TNR: variants seen among roughly 807,000 people sequenced by gnomAD.
TNR encodes the protein tenascin-R.
Under a neutral mutation model 150.4 loss-of-function variants are expected in TNR, and 45 were observed. The ratio of observed to expected loss-of-function variants is 0.30; its 90% CI spans 0.24 to 0.38. The LOEUF (loss-of-function observed/expected upper bound fraction) is 0.38. TNR is among the 10% of genes least tolerant of loss of function. The pLI, the probability that TNR is intolerant of heterozygous loss-of-function variation, is 1.00. For missense variants in TNR, 1,544 were observed against 1,759.1 expected (o/e 0.88, Z 2.19); for synonymous variants, 687 against 678.4 (o/e 1.01, Z -0.20).
At chr1:175,736,117 A>T (rs1667762580) in intron 1 of TNR, among the ~76,000 whole-genome samples, 1 of 152,262 alleles carries the variant, frequency 6.6e-6, no homozygotes, top group African/African-American at 2.4e-5. Flanking sequence ...TCCCCAGGCC[A>T]TATTAAATAG....
chr1:175,417,059 G>GAAAGAAAGAAAGAAAGAA (rs1557920280), intron 2 of TNR, among the ~76,000 whole-genome samples: 3 of 103,670 alleles, frequency 2.9e-5, no homozygotes, highest in Non-Finnish European at 6.5e-5. Context: ...AAGAAAGAAA[G>GAAAGAAAGAAAGAAAGAA]AAAGAAAGAA....
intron 1 of TNR, among the ~76,000 whole-genome samples, chr1:175,730,330 G>T (rs1020501123): frequency 1.3e-5 from 2 of 152,164 alleles, no homozygotes; most frequent in African/African-American, 4.8e-5. Flanking sequence ...ACCCTGAGCA[G>T]AATGAGTCAC....
At chr1:175,655,228 T>C (rs183988339) in intron 1 of TNR, among the ~76,000 whole-genome samples, 79 of 152,158 alleles carry the variant, frequency 5.2e-4, no homozygotes, top group African/African-American at 1.8e-3. Flanking sequence ...TTCCAGGAGG[T>C]AAATAAAAAA....
At chr1:175,649,156 C>T (rs899193193) in intron 1 of TNR, among the ~76,000 whole-genome samples, 12 of 152,208 alleles carry the variant, frequency 7.9e-5, no homozygotes, top group Non-Finnish European at 5.9e-5. Flanking sequence ...GCCCACTCTT[C>T]GCTCACTTCT....
At chr1:175,591,473 A>G (rs960685664) in intron 1 of TNR, among the ~76,000 whole-genome samples, 1 of 152,202 alleles carries the variant, frequency 6.6e-6, no homozygotes, top group African/African-American at 2.4e-5. Flanking sequence ...ACATGCTGCT[A>G]GATAATCTCT....
chr1:175,343,148 C>T (rs1016521972), intron 18 of TNR, among the ~76,000 whole-genome samples: 5 of 152,174 alleles, frequency 3.3e-5, no homozygotes, highest in Admixed American at 6.5e-5. Flanking sequence ...TTGCCCAAAA[C>T]CCTTCAATGG....
chr1:175,574,948 GACAAAACAGATGTAGC>G (rs1662040384), intron 1 of TNR, among the ~76,000 whole-genome samples: 1 of 152,218 alleles, frequency 6.6e-6, no homozygotes, highest in Non-Finnish European at 1.5e-5. Flanking sequence ...TTCAGTGGTG[GACAAAACAGATGTAGC>G]ACATTCCTCA....
intron 2 of TNR, among the ~76,000 whole-genome samples, chr1:175,452,813 T>G (rs1298584114): frequency 6.6e-6 from 1 of 152,144 alleles, no homozygotes; most frequent in Non-Finnish European, 1.5e-5. Flanking sequence ...AAATGTCCAT[T>G]GAGGGATAAA....
chr1:175,491,712 T>C (rs1985371), intron 2 of TNR, among the ~76,000 whole-genome samples: 48,457 of 144,310 alleles, frequency 0.34, 8,139 homozygotes, highest in Non-Finnish European at 0.35. Flanking sequence ...TGCAGTGGCG[T>C]GATCTCCGCT....
At chr1:175,551,586 A>G (rs991467506) in intron 1 of TNR, among the ~76,000 whole-genome samples, 1 of 152,210 alleles carries the variant, frequency 6.6e-6, no homozygotes. Flanking sequence ...AGGAAATTGC[A>G]CAAATGACAC....
intron 1 of TNR, among the ~76,000 whole-genome samples, chr1:175,706,041 G>C (rs1172027027): frequency 1.3e-5 from 2 of 152,132 alleles, no homozygotes; most frequent in Non-Finnish European, 2.9e-5. Context: ...CTAGGGGATA[G>C]AGTCAGCATT....
At chr1:175,579,802 C>A (rs1486125486) in intron 1 of TNR, among the ~76,000 whole-genome samples, 5 of 151,954 alleles carry the variant, frequency 3.3e-5, no homozygotes, top group Non-Finnish European at 7.4e-5. Context: ...CATAGTCCTT[C>A]CCTTGGATAC....
At chr1:175,531,258 T>C (rs1660055868) in intron 1 of TNR, among the ~76,000 whole-genome samples, 1 of 152,228 alleles carries the variant, frequency 6.6e-6, no homozygotes, top group Admixed American at 6.5e-5. Context: ...GTGAACCCCA[T>C]ATACTGGCCC....
At chr1:175,572,851 C>T (rs2102221172) in intron 1 of TNR, among the ~76,000 whole-genome samples, 1 of 151,870 alleles carries the variant, frequency 6.6e-6, no homozygotes, top group South Asian at 2.1e-4. Context: ...CATATGCATT[C>T]TAGATGCCAT....
At position 175,597,875 on chromosome 1, in the gene TNR, T is replaced by TG. The variant is rs1229283882; in HGVS notation, c.-164-69507_-164-69506insC. Reference sequence around the variant, plus strand: ...CTGCAGTAACATTATTCCTCTAGGCTCATTTCCATTGTTCTCTGTCATCAC... The same window carrying TG: ...CTGCAGTAACATTATTCCTCTAGGCTGCATTTCCATTGTTCTCTGTCATCAC... On this transcript the variant is annotated intron_variant, in intron 1 of 22. Coordinates refer to ENST00000367674, the MANE Select transcript of TNR (RefSeq NM_003285.3). Among the ~76,000 whole-genome samples, 8 of 152,354 alleles carry TG rather than the reference T, an allele frequency of 5.3e-5. No individual in the cohort carries two copies. The East Asian group carries it at 1.5e-3, about 29-fold the overall frequency.
At chr1:175,626,255 G>C (rs1341281349) in intron 1 of TNR, among the ~76,000 whole-genome samples, 1 of 152,124 alleles carries the variant, frequency 6.6e-6, no homozygotes, top group African/African-American at 2.4e-5. Context: ...ATACATTCCT[G>C]TTCGTCTTCC....
intron 1 of TNR, among the ~76,000 whole-genome samples, chr1:175,704,305 G>T (rs1438842501): frequency 1.3e-5 from 2 of 152,180 alleles, no homozygotes; most frequent in Non-Finnish European, 2.9e-5. Flanking sequence ...TTTAGTCAAA[G>T]GTTTAGTCTG....
intron 1 of TNR, among the ~76,000 whole-genome samples, chr1:175,644,615 T>C (rs1664756736): frequency 6.6e-6 from 1 of 152,256 alleles, no homozygotes; most frequent in Admixed American, 6.5e-5. Context: ...TTGTGAATTG[T>C]GGCACTGAGG....
intron 8 of TNR, among the ~76,000 whole-genome samples, chr1:175,384,596 G>A (rs1312146489): frequency 6.6e-6 from 1 of 152,188 alleles, no homozygotes; most frequent in Non-Finnish European, 1.5e-5. Context: ...TAAGGCTCTT[G>A]TCTCTCTTTT....
Sources: allele counts gnomAD v4.1 joint callset (sites outside exome capture counted in the v4.1 genomes callset), GRCh38; gene constraint gnomAD v4.1.1; transcripts MANE v1.5; gene names NCBI Gene and HGNC (gene_info 2026-07-23, HGNC 2026-07-21).